DENND2B: variants seen among roughly 807,000 people sequenced by gnomAD.
The protein encoded by DENND2B is DENN domain containing 2B.
In DENND2B, 32 loss-of-function variants were observed where a neutral mutation model predicts 116.0. That is an observed-to-expected ratio of 0.28 (90% CI 0.21 to 0.37). DENND2B has a LOEUF of 0.37. Ranked by LOEUF, DENND2B falls within the 10% of genes least tolerant of loss-of-function variation. The pLI, the probability that DENND2B is intolerant of heterozygous loss-of-function variation, is 1.00. For synonymous variants in DENND2B, 588 were observed against 583.9 expected, an observed-to-expected ratio of 1.01 and a Z score of -0.10; for missense variants, 1,276 against 1,477.7, an observed-to-expected ratio of 0.86 and a Z score of 2.24.
chr11:8,717,287 T>G (rs572674174), intron 5 of DENND2B, among the ~76,000 whole-genome samples: 1 of 152,270 alleles, frequency 6.6e-6, no homozygotes, highest in African/African-American at 2.4e-5. Flanking sequence ...CAAATGTGGT[T>G]TGGGGACCTA....
intron 1 of DENND2B, among the ~76,000 whole-genome samples, chr11:8,772,417 C>T (rs1382925706): frequency 6.6e-6 from 1 of 151,838 alleles, no homozygotes; most frequent in Non-Finnish European, 1.5e-5. Context: ...CAGTCTTGTC[C>T]CCACTTAATC....
In DENND2B at chr11:8,898,629, C is replaced by CTT. The variant is rs367826879; in HGVS notation, c.-256+12190_-256+12191dup. ...CTCATGGCCCAATTATGGCCTACTGCTTGTTTTTTAAATAAAGGTTTATTG... is the reference window on the plus strand; with the variant it reads ...CTCATGGCCCAATTATGGCCTACTGCTTTTGTTTTTTAAATAAAGGTTTATTG... On this transcript the variant is annotated intron_variant, in intron 1 of 22. Coordinates refer to the DENND2B transcript ENST00000534127. Among the ~76,000 whole-genome samples, 375 of 152,264 alleles carry CTT rather than the reference C, an allele frequency of 2.5e-3. 1 individual carries two copies. The highest frequency in any genetic ancestry group is 7.8e-3 in the African/African-American group (325 of 41,574).
intron 2 of DENND2B, among the ~76,000 whole-genome samples, chr11:8,866,205 T>C (rs947792003): frequency 5.3e-5 from 8 of 152,278 alleles, no homozygotes; most frequent in South Asian, 4.1e-4. Flanking sequence ...GTGATCCGCC[T>C]GCCTCGGCCT....
intron 2 of DENND2B, among the ~76,000 whole-genome samples, chr11:8,867,302 C>T (rs377425809): frequency 6.6e-6 from 1 of 152,110 alleles, no homozygotes; most frequent in South Asian, 2.1e-4. Flanking sequence ...ATGTGGGTGT[C>T]CAATGTCCTT....
chr11:8,732,173 A>G (rs1045828974), intron 2 of DENND2B, among the ~76,000 whole-genome samples: 2 of 152,206 alleles, frequency 1.3e-5, no homozygotes, highest in Non-Finnish European at 2.9e-5. Flanking sequence ...ATCACATCCA[A>G]TAATTGGCAT....
intron 1 of DENND2B, among the ~76,000 whole-genome samples, chr11:8,755,353 T>C (rs116252156): frequency 2.8e-4 from 43 of 152,350 alleles, no homozygotes; most frequent in African/African-American, 9.9e-4. Context: ...GTTTTGATGA[T>C]AAAAATAAGT....
intron 18 of DENND2B, among the ~76,000 whole-genome samples, chr11:8,696,168 T>G (rs1223354958): frequency 6.6e-6 from 1 of 152,024 alleles, no homozygotes; most frequent in Non-Finnish European, 1.5e-5. Context: ...GAGGAGGGGG[T>G]GGGCAACCAA....
rs766314425 is a variant in DENND2B, at chr11:8,715,821, G to A, written c.1630-3C>T. ...TGGCTGTTGGGTTTCAGGGAAAGCT[G>A]GCGTGGGGGAGAGGACGTGCGAGAG... On this transcript the variant is annotated splice_polypyrimidine_tract_variant and splice_region_variant and intron_variant, in intron 5 of 19. Coordinates refer to ENST00000313726, the MANE Select transcript of DENND2B (RefSeq NM_213618.2). The A allele has an allele frequency of 6.3e-6, 10 of 1,594,888 alleles. No homozygotes were observed. The highest frequency in any genetic ancestry group is 8.6e-6 in the Non-Finnish European group (10 of 1,166,866).
chr11:8,849,657 T>C (rs953028760), intron 3 of DENND2B, among the ~76,000 whole-genome samples: 1 of 151,174 alleles, frequency 6.6e-6, no homozygotes, highest in Admixed American at 6.6e-5. Flanking sequence ...ACTCCATCAC[T>C]ACTAAAGATA....
chr11:8,889,879 G>A (rs569514632), intron 1 of DENND2B, among the ~76,000 whole-genome samples: 1 of 152,352 alleles, frequency 6.6e-6, no homozygotes, highest in East Asian at 1.9e-4. Flanking sequence ...CTGTCTGGCA[G>A]CTTTGAAGAG....
At chr11:8,750,853 C>A (rs1275074541) in intron 1 of DENND2B, 128 bp from the exon 2 acceptor site, 9 of 751,914 alleles carry the variant, frequency 1.2e-5, no homozygotes, top group Non-Finnish European at 1.8e-5. Context: ...TGCTTTCCCA[C>A]TTAATGTTTA....
In DENND2B at chr11:8,715,611, T is replaced by C. The variant is rs775815633; in HGVS notation, c.1837A>G (p.Ile613Val). Residue 613 changes from isoleucine to valine, a missense_variant, in exon 6 of 20, where the codon ATT (isoleucine) becomes GTT (valine). By Grantham distance (29) the Ile-to-Val change is conservative (BLOSUM62 3). This residue lies in a region of DENND2B where 856 missense variants were observed against 846.6 expected (regional missense o/e 1.01). Transcript: ENST00000313726. Reference sequence around the variant, plus strand: ...GCCTCTGGGGAGGGTACCTTGGGAATGCGGCGGGCCCGGCGGCTGGACAGC... The same window carrying C: ...GCCTCTGGGGAGGGTACCTTGGGAACGCGGCGGGCCCGGCGGCTGGACAGC... Reference protein sequence around the residue: ...ELLSSRRARRIPKLVQRINSI... With the variant: ...ELLSSRRARRVPKLVQRINSI... The C allele has an allele frequency of 2.3e-5, 37 of 1,612,336 alleles. No individual in the cohort carries two copies. Among genetic ancestry groups the C allele is most frequent in the Non-Finnish European group, 2.5e-5 (30 of 1,178,870 alleles).
chr11:8,824,662 T>C (rs1170766703), intron 4 of DENND2B, among the ~76,000 whole-genome samples: 3 of 152,212 alleles, frequency 2.0e-5, no homozygotes, highest in South Asian at 2.1e-4. Flanking sequence ...TGAACATACA[T>C]GTGCTTGTAT....
intron 3 of DENND2B, 57 bp from the exon 4 acceptor site, chr11:8,726,266 T>G: frequency 6.4e-7 from 1 of 1,555,126 alleles, no homozygotes; most frequent in East Asian, 2.3e-5. Flanking sequence ...GCTGCCTTGC[T>G]GGGGAATGTC....
chr11:8,714,584 G>A, intron 7 of DENND2B, 26 bp downstream of exon 7: 1 of 1,602,238 alleles, frequency 6.2e-7, no homozygotes, highest in Non-Finnish European at 8.5e-7. Context: ...CCAAACAGCT[G>A]AACCAGCTCT....
chr11:8,866,393 T>G (rs1021681481), intron 2 of DENND2B, among the ~76,000 whole-genome samples: 1 of 152,166 alleles, frequency 6.6e-6, no homozygotes, highest in Non-Finnish European at 1.5e-5. Flanking sequence ...CAACCAAACA[T>G]TTCTAACATT....
chr11:8,716,461 G>A (rs572662226), intron 5 of DENND2B, among the ~76,000 whole-genome samples: 3 of 152,166 alleles, frequency 2.0e-5, no homozygotes, highest in Middle Eastern at 3.4e-3. Context: ...CATCCTTGTC[G>A]CGGACCCTGT....
At chr11:8,744,229 G>C (rs1248876134) in intron 2 of DENND2B, among the ~76,000 whole-genome samples, 1 of 151,696 alleles carries the variant, frequency 6.6e-6, no homozygotes, top group Non-Finnish European at 1.5e-5. Flanking sequence ...CGCCTCCTGG[G>C]TTCAAGGGAT....
At chr11:8,715,915 A>G in intron 5 of DENND2B, 97 bp from the exon 6 acceptor site, 1 of 1,119,388 alleles carries the variant, frequency 8.9e-7, no homozygotes, top group Non-Finnish European at 1.2e-6. Flanking sequence ...AAGGGCCGGC[A>G]TCCCTGGATC....
Sources: allele counts gnomAD v4.1 joint callset (sites outside exome capture counted in the v4.1 genomes callset), GRCh38; gene constraint gnomAD v4.1.1; regional missense constraint gnomAD v4.1.1; transcripts MANE v1.5; gene names NCBI Gene and HGNC (gene_info 2026-07-23, HGNC 2026-07-21).